FAM81B: variants seen among roughly 807,000 people sequenced by gnomAD.
FAM81B encodes the protein protein FAM81B.
Under a neutral mutation model 58.7 loss-of-function variants are expected in FAM81B, and 60 were observed. The observed-to-expected ratio is 1.02, with a 90% confidence interval of 0.83 to 1.27. The LOEUF (loss-of-function observed/expected upper bound fraction) is 1.27, where lower values mean the gene tolerates loss of function less well. FAM81B is among the 50% of genes most tolerant of loss of function. The probability of loss-of-function intolerance (pLI) is 0.00; values close to 1 mark genes in which losing one functional copy is unlikely to be tolerated. For synonymous variants in FAM81B, 189 were observed against 179.6 expected (o/e 1.05, Z -0.42); for missense variants, 491 against 522.0 (o/e 0.94, Z 0.58).
At chr5:95,410,073 C>T (rs942941388) in intron 3 of FAM81B, among the ~76,000 whole-genome samples, 1 of 152,066 alleles carries the variant, frequency 6.6e-6, no homozygotes, top group Non-Finnish European at 1.5e-5. Context: ...GAAATATAGA[C>T]AAAAGTGTCA....
At chr5:95,404,588 A>G (rs1762197996) in intron 3 of FAM81B, among the ~76,000 whole-genome samples, 1 of 152,058 alleles carries the variant, frequency 6.6e-6, no homozygotes, top group South Asian at 2.1e-4. Context: ...TGAGGCTCCA[A>G]CAAGCTGTGA....
intron 8 of FAM81B, 36 bp downstream of exon 8, chr5:95,446,733 G>GCATAGC (rs779442591): frequency 6.2e-7 from 1 of 1,603,760 alleles, no homozygotes. Flanking sequence ...GCAAGCACCT[G>GCATAGC]CATAGTCCTT....
intron 6 of FAM81B, 86 bp downstream of exon 6, chr5:95,428,818 T>C: frequency 6.4e-7 from 1 of 1,564,650 alleles, no homozygotes; most frequent in Non-Finnish European, 8.7e-7. Flanking sequence ...AATCAGGTGG[T>C]AATTTTTTAA....
intron 4 of FAM81B, among the ~76,000 whole-genome samples, chr5:95,415,429 A>G (rs34999134): frequency 0.28 from 41,991 of 152,160 alleles, 6,071 homozygotes; most frequent in Non-Finnish European, 0.31. Context: ...GCAGGGTTTA[A>G]CAGACCCCAT....
intron 1 of FAM81B, 88 bp downstream of exon 1, chr5:95,391,601 T>C: frequency 7.1e-7 from 1 of 1,415,918 alleles, no homozygotes; most frequent in Admixed American, 2.3e-5. Context: ...AAATAATGAA[T>C]CCCAATGAAG....
At chr5:95,446,928 G>T (rs1745591665) in intron 8 of FAM81B, among the ~76,000 whole-genome samples, 2 of 146,606 alleles carry the variant, frequency 1.4e-5, no homozygotes, top group Non-Finnish European at 1.5e-5. Flanking sequence ...TGTACCAAAA[G>T]AATCTGAAGA....
intron 5 of FAM81B, chr5:95,423,962 C>G (rs1762755773): frequency 8.0e-7 from 1 of 1,252,792 alleles, no homozygotes; most frequent in African/African-American, 1.5e-5. Flanking sequence ...GACAACATGT[C>G]CCCTTAGAGA....
rs115229623 is a variant in FAM81B at position 95,394,844 on chromosome 5, T to C, written c.229-1267T>C. ...TCCCTGAAAATGGACTTCACATTTT[T>C]TTAAGGTTTTTTGAAGGAGTGAGGT... On this transcript the variant is annotated intron_variant, in intron 2 of 9. Coordinates refer to ENST00000283357, the MANE Select transcript of FAM81B (RefSeq NM_152548.3). Among the ~76,000 whole-genome samples the C allele has an allele frequency of 7.2e-3, 1,094 of 152,274 alleles. 14 individuals are homozygous for C. Among genetic ancestry groups the C allele is most frequent in the African/African-American group, 0.024 (1,004 of 41,558 alleles).
intron 7 of FAM81B, chr5:95,440,365 G>C: frequency 1.3e-6 from 1 of 746,154 alleles, no homozygotes; most frequent in Non-Finnish European, 2.4e-6. Flanking sequence ...GTTAAGGCTG[G>C]TGTGAAGGCT....
intron 7 of FAM81B, among the ~76,000 whole-genome samples, chr5:95,445,167 T>C (rs6556873): frequency 0.022 from 3,288 of 152,300 alleles, 118 homozygotes; most frequent in African/African-American, 0.075. Context: ...CATGACTTAA[T>C]TAATTTCCAA....
chr5:95,401,868 C>A (rs906506380), intron 3 of FAM81B, among the ~76,000 whole-genome samples: 3 of 152,018 alleles, frequency 2.0e-5, no homozygotes, highest in Non-Finnish European at 4.4e-5. Flanking sequence ...TAAGTCACAC[C>A]GAATTACAGA....
chr5:95,420,699 ACC>A (rs1244647167), intron 5 of FAM81B, among the ~76,000 whole-genome samples: 1 of 144,570 alleles, frequency 6.9e-6, no homozygotes, highest in Non-Finnish European at 1.5e-5. Flanking sequence ...CACCTTCATA[ACC>A]ATGTACGAAA....
At chr5:95,444,775 A>G in intron 7 of FAM81B, among the ~76,000 whole-genome samples, 1 of 152,338 alleles carries the variant, frequency 6.6e-6, no homozygotes. Context: ...TGTAACTAAT[A>G]TAACTATTGG....
chr5:95,418,366 G>A (rs1385391261), intron 4 of FAM81B, among the ~76,000 whole-genome samples: 1 of 152,068 alleles, frequency 6.6e-6, no homozygotes, highest in Non-Finnish European at 1.5e-5. Context: ...TTTCTTCAGG[G>A]AAAAGGTTGA....
chr5:95,430,436 TAAA>T (rs139495883), intron 6 of FAM81B, among the ~76,000 whole-genome samples: 8 of 145,616 alleles, frequency 5.5e-5, no homozygotes, highest in African/African-American at 2.0e-4. Context: ...GCTATGCTTT[TAAA>T]AAAAAAAAAC....
chr5:95,428,804 G>A, intron 6 of FAM81B, 72 bp downstream of exon 6: 2 of 1,588,612 alleles, frequency 1.3e-6, no homozygotes, highest in Non-Finnish European at 1.7e-6. Context: ...TTATCAAAAT[G>A]CCCAATCAGG....
chr5:95,413,548 C>T (rs1357589571), intron 3 of FAM81B, among the ~76,000 whole-genome samples: 2 of 152,278 alleles, frequency 1.3e-5, no homozygotes, highest in Middle Eastern at 3.4e-3. Context: ...GGCCTATCCT[C>T]CTGACTCCTA....
In FAM81B at chr5:95,413,992, G is replaced by A. The variant is rs1762469566; in HGVS notation, c.339G>A (p.Gln113=). Residue 113 remains glutamine (Q), a synonymous_variant, in exon 4 of 10, where the codon CAG becomes CAA. Coordinates refer to ENST00000283357, the MANE Select transcript of FAM81B (RefSeq NM_152548.3). ...TCATTCCAAACACCCAGAGAGGTCA[G>A]CTAGAAGACAGACTGAACAACCAGG... is the stretch of plus-strand genomic sequence containing the variant. The part of the protein sequence containing the change: ...LPIIPNTQRG[Q]LEDRLNNQAR... The A allele has an allele frequency of 2.5e-6, 4 of 1,614,004 alleles. No homozygotes were observed. Among genetic ancestry groups the A allele is most frequent in the Non-Finnish European group, 3.4e-6 (4 of 1,179,974 alleles).
intron 6 of FAM81B, among the ~76,000 whole-genome samples, chr5:95,430,748 G>T (rs567070248): frequency 6.6e-6 from 1 of 152,066 alleles, no homozygotes; most frequent in Non-Finnish European, 1.5e-5. Context: ...GAGAGTACAT[G>T]TGTGTTGTTT....
Sources: allele counts gnomAD v4.1 joint callset (sites outside exome capture counted in the v4.1 genomes callset), GRCh38; gene constraint gnomAD v4.1.1; transcripts MANE v1.5; gene names NCBI Gene and HGNC (gene_info 2026-07-23, HGNC 2026-07-21).